Variants in CEP135 observed in about 807,000 individuals in gnomAD.
The protein encoded by CEP135 is centrosomal protein of 135 kDa.
CEP135 carries 142 observed loss-of-function variants against 157.3 expected under a neutral mutation model. That is an observed-to-expected ratio of 0.90 (90% CI 0.79 to 1.04). The LOEUF (loss-of-function observed/expected upper bound fraction) is 1.04, where lower values mean the gene tolerates loss of function less well. CEP135 is among the 50% of genes least tolerant of loss of function. The pLI, the probability that CEP135 is intolerant of heterozygous loss-of-function variation, is 0.00. For synonymous variants in CEP135, 396 were observed against 439.8 expected (o/e 0.90, Z 1.25); for missense variants, 1,317 against 1,309.2 (o/e 1.01, Z -0.09).
At position 55,991,996 on chromosome 4, in the gene CEP135, G is replaced by A. The variant is rs375822537; in HGVS notation, c.1920G>A (p.Ser640=). 181 of 1,594,292 alleles carry A rather than the reference G, an allele frequency of 1.1e-4. No individual in the cohort carries two copies. In the Middle Eastern group the frequency reaches 1.2e-3, roughly 10 times the overall value. Reference sequence around the variant, plus strand: ...TAATAATGAAAGAAACAATAGAGTCGTTAGAGAACAAATTAAAAGTCCAAG... The same window carrying A: ...TAATAATGAAAGAAACAATAGAGTCATTAGAGAACAAATTAAAAGTCCAAG... The part of the protein sequence containing the change: ...KVLIMKETIE[S]LENKLKVQAQ... Residue 640 remains serine (S), a synonymous_variant, in exon 15 of 26, where the codon TCG becomes TCA. Transcript: ENST00000257287.
At chr4:55,988,470 G>A (rs1229183387) in intron 14 of CEP135, among the ~76,000 whole-genome samples, 1 of 152,038 alleles carries the variant, frequency 6.6e-6, no homozygotes, top group Admixed American at 6.5e-5. Context: ...GACCAGCCTG[G>A]CCAACATGGT....
chr4:56,009,960 A>G (rs192523730), intron 19 of CEP135, 57 bp downstream of exon 19: 145 of 1,483,248 alleles, frequency 9.8e-5, no homozygotes, highest in Admixed American at 2.1e-4. Flanking sequence ...TTTGCTAAAT[A>G]TTAAAGCTCT....
intron 24 of CEP135, among the ~76,000 whole-genome samples, chr4:56,023,667 CTAATA>C (rs530037967): frequency 0.012 from 1,663 of 139,178 alleles, 15 homozygotes; most frequent in Non-Finnish European, 0.02. Context: ...ATATAATATA[CTAATA>C]TAATATATAT....
chr4:55,977,500 A>T (rs1162587233), intron 11 of CEP135, among the ~76,000 whole-genome samples: 1 of 152,188 alleles, frequency 6.6e-6, no homozygotes, highest in Non-Finnish European at 1.5e-5. Flanking sequence ...AGAGTGGGGA[A>T]AGTGACTACA....
At chr4:56,017,574 T>A in intron 21 of CEP135, 74 bp from the exon 22 acceptor site, 1 of 1,284,842 alleles carries the variant, frequency 7.8e-7, no homozygotes. Context: ...GTGAGATTGT[T>A]GGCTGTACAA....
At chr4:55,976,746 G>C (rs972561204) in intron 11 of CEP135, among the ~76,000 whole-genome samples, 1 of 152,060 alleles carries the variant, frequency 6.6e-6, no homozygotes. Context: ...AAATGGGTGG[G>C]GTATAAGACA....
rs1728684623 is a variant in CEP135, at chr4:55,961,732, C to CTTGTTG, written c.699+1966_699+1967insTTGTTG. Among the ~76,000 whole-genome samples, 2 of 136,896 alleles carry CTTGTTG rather than the reference C, an allele frequency of 1.5e-5. 1 individual carries two copies. The highest frequency in any genetic ancestry group is 4.7e-4 in the South Asian group (2 of 4,230). 89.8% of individuals were successfully genotyped at this position (136,896 alleles called of 152,430 possible). On this transcript the variant is annotated intron_variant, in intron 6 of 25. Transcript: ENST00000257287. ...TGAGCCAAGATCACACCATTGCACT[C>CTTGTTG]CAGCCTGGGCAACAAGAGCGAAAAC...
chr4:55,988,342 G>A (rs539942447), intron 14 of CEP135, among the ~76,000 whole-genome samples: 1 of 152,232 alleles, frequency 6.6e-6, no homozygotes, highest in Non-Finnish European at 1.5e-5. Flanking sequence ...TGTCCTCCCA[G>A]ATGTGAAGCC....
intron 12 of CEP135, among the ~76,000 whole-genome samples, chr4:55,980,927 C>T (rs1294713458): frequency 6.6e-6 from 1 of 152,054 alleles, no homozygotes; most frequent in Admixed American, 6.6e-5. Context: ...TAAATTGATC[C>T]ACTTCTGGGC....
chr4:55,997,690 G>A (rs1703520799), intron 15 of CEP135, among the ~76,000 whole-genome samples: 1 of 106,178 alleles, frequency 9.4e-6, no homozygotes, highest in East Asian at 2.5e-4. Context: ...TTGTGACCTT[G>A]GACAAGTTTT....
intron 15 of CEP135, among the ~76,000 whole-genome samples, chr4:55,995,658 T>G (rs1295961791): frequency 6.6e-6 from 1 of 152,246 alleles, no homozygotes; most frequent in Non-Finnish European, 1.5e-5. Flanking sequence ...TTTTTTTTAG[T>G]CGTTTAAACA....
In CEP135 at chr4:56,017,591, G is replaced by A. The variant is rs142770029; in HGVS notation, c.2803-57G>A. 2.0e-3 allele frequency: 2,891 copies of A among 1,419,930 alleles called. 103 individuals are homozygous for A. The Admixed American group carries it at 0.058, about 28-fold the overall frequency. The allele number at this position is 1,419,930 out of a possible 1,614,324, so 88.0% of individuals were successfully genotyped here. A position where few individuals can be genotyped will look rare whatever the true frequency, so the allele number is the denominator to read the frequency against. ...GAGATTGTTGGCTGTACAAATTCAA[G>A]TTCTTAAAATTATTGGGTTATTTTA... On this transcript the variant is annotated intron_variant, in intron 21 of 25. Transcript: ENST00000257287.
chr4:55,980,053 C>A (rs2109682511), intron 11 of CEP135, 90 bp from the exon 12 acceptor site: 1 of 1,059,476 alleles, frequency 9.4e-7, no homozygotes, highest in Non-Finnish European at 1.4e-6. Flanking sequence ...TTCTTTTTGT[C>A]TGGTAGCATC....
rs574078015 is a variant in CEP135, at chr4:55,995,318, G to A, written c.2009+3233G>A. Among the ~76,000 whole-genome samples, 5 of 152,200 alleles carry A rather than the reference G, an allele frequency of 3.3e-5. No homozygotes were observed. The South Asian group carries it at 1.0e-3, about 32-fold the overall frequency. On this transcript the variant is annotated intron_variant, in intron 15 of 25. Transcript: ENST00000257287. The stretch of plus-strand genomic sequence containing the variant: ...CTTATCCAACCCACCGTATTTTGTT[G>A]TTGTCTGTTTTGTTTTGTTTTAGGC...
intron 9 of CEP135, among the ~76,000 whole-genome samples, chr4:55,970,047 T>A (rs1195056008): frequency 6.6e-6 from 1 of 151,390 alleles, no homozygotes; most frequent in Non-Finnish European, 1.5e-5. Flanking sequence ...CTTTTTTTTT[T>A]TTTTAGTAGA....
intron 6 of CEP135, chr4:55,960,111 C>G (rs1290689918): frequency 2.8e-6 from 1 of 360,160 alleles, no homozygotes; most frequent in Non-Finnish European, 4.9e-6. Flanking sequence ...TTTGGTTTTT[C>G]TTTTAGCTGA....
intron 25 of CEP135, among the ~76,000 whole-genome samples, chr4:56,031,157 A>T (rs1392347739): frequency 6.6e-6 from 1 of 152,022 alleles, no homozygotes; most frequent in Non-Finnish European, 1.5e-5. Context: ...ATAAATAAAT[A>T]AAATAAAGTA....
At chr4:55,987,467 G>C (rs1198438087) in intron 14 of CEP135, among the ~76,000 whole-genome samples, 2 of 152,124 alleles carry the variant, frequency 1.3e-5, no homozygotes, top group Non-Finnish European at 2.9e-5. Context: ...AGACCACTGG[G>C]TTCCATATCG....
intron 15 of CEP135, among the ~76,000 whole-genome samples, chr4:55,996,330 C>T (rs1275473497): frequency 2.0e-5 from 3 of 152,124 alleles, no homozygotes; most frequent in Non-Finnish European, 4.4e-5. Flanking sequence ...CAATGTTGCC[C>T]AGGCTGTTCT....
Sources: gnomAD v4.1 joint callset for allele counts (sites outside exome capture counted in the v4.1 genomes callset) on GRCh38, gnomAD v4.1.1 for gene constraint, MANE v1.5 for transcripts, NCBI Gene and HGNC (gene_info 2026-07-23, HGNC 2026-07-21) for gene names.